Variants in SV2B observed in about 807,000 individuals in gnomAD.
SV2B encodes solute carrier family 22 member B2.
Under a neutral mutation model 73.9 loss-of-function variants are expected in SV2B, and 41 were observed. The observed-to-expected ratio is 0.56, with a 90% CI of 0.43 to 0.72. SV2B has a LOEUF of 0.72. Ranked by LOEUF, SV2B falls within the 30% of genes least tolerant of loss-of-function variation. The probability of loss-of-function intolerance (pLI) is 0.00; values close to 1 mark genes in which losing one functional copy is unlikely to be tolerated. For synonymous variants in SV2B, 314 were observed against 314.2 expected (o/e 1.00, Z 0.01); for missense variants, 764 against 857.8 (o/e 0.89, Z 1.37).
intron 1 of SV2B, among the ~76,000 whole-genome samples, chr15:91,102,613 T>G (rs745868482): frequency 4.6e-5 from 7 of 151,242 alleles, no homozygotes; most frequent in Non-Finnish European, 8.8e-5. Context: ...AATGAGAGAG[T>G]GTGTGTATGT....
At chr15:91,144,565 T>C (rs1253869780) in intron 1 of SV2B, among the ~76,000 whole-genome samples, 1 of 152,232 alleles carries the variant, frequency 6.6e-6, no homozygotes, top group Non-Finnish European at 1.5e-5. Flanking sequence ...GTGTGCATCT[T>C]TTCTAGTGGT....
Position 91,139,853 on chromosome 15 carries a change from A to G in SV2B, c.-392+39490A>G, listed in dbSNP as rs1004652019. On this transcript the variant is annotated intron_variant, in intron 1 of 12. Coordinates refer to ENST00000394232, the MANE Select transcript of SV2B (RefSeq NM_001323032.3). The surrounding 1 kb of genome is among the most constrained non-coding windows in gnomAD (Gnocchi z 5.2). ...AAACTAAGATTGTCCTGGAGAAACC[A>G]AGCTATATGGTCCCTCTGGTAGCCA... 5.9e-5 allele frequency among the ~76,000 whole-genome samples: 9 copies of G among 152,236 alleles called. No individual in the cohort carries two copies. The highest frequency in any genetic ancestry group is 2.2e-4 in the African/African-American group (9 of 41,466).
intron 11 of SV2B, among the ~76,000 whole-genome samples, chr15:91,285,137 A>G (rs1465684408): frequency 2.0e-5 from 3 of 152,184 alleles, no homozygotes; most frequent in African/African-American, 7.2e-5. Flanking sequence ...GAGAAGAGAA[A>G]ATTGATCAGG....
chr15:91,193,443 A>G (rs2045120603), intron 1 of SV2B, among the ~76,000 whole-genome samples: 2 of 152,228 alleles, frequency 1.3e-5, no homozygotes, highest in Admixed American at 6.5e-5. Flanking sequence ...AATCAGAGCC[A>G]GGGAACCCCC....
rs1482955426 is a variant in SV2B at position 91,123,081 on chromosome 15, G to A, written c.-392+22718G>A. Among the ~76,000 whole-genome samples, 2 of 152,098 alleles carry A rather than the reference G, an allele frequency of 1.3e-5. No homozygotes were observed. The highest frequency in any genetic ancestry group is 2.1e-4 in the South Asian group (1 of 4,818). On this transcript the variant is annotated intron_variant, in intron 1 of 12. Coordinates refer to ENST00000394232, the MANE Select transcript of SV2B (RefSeq NM_001323032.3). This position sits in a 1 kb window ranked among gnomAD's most constrained non-coding sequence, Gnocchi z 4.7. ...AGCTCAGGAGTTTGAGACCAGCCTG[G>A]CCAACATGGCAAAACCCTGTTTCTA...
chr15:91,277,586 A>G (rs1157929416), intron 9 of SV2B, among the ~76,000 whole-genome samples: 4 of 152,206 alleles, frequency 2.6e-5, no homozygotes, highest in Admixed American at 6.5e-5. Flanking sequence ...TGCTTCTTTT[A>G]CTTAGCATAA....
chr15:91,158,635 T>TTTTCCCTTCCCTTCC (rs1567300335), intron 1 of SV2B, among the ~76,000 whole-genome samples: 38 of 39,888 alleles, frequency 9.5e-4, no homozygotes, highest in Admixed American at 1.4e-3. Context: ...TTATTTTCCC[T>TTTTCCCTTCCCTTCC]CTTCTCTTCT....
At chr15:91,159,859 G>A (rs2043647812) in intron 1 of SV2B, among the ~76,000 whole-genome samples, 1 of 151,992 alleles carries the variant, frequency 6.6e-6, no homozygotes, top group Admixed American at 6.6e-5. Flanking sequence ...GTGTCTAAGT[G>A]AAAAATTATT....
In SV2B at chr15:91,129,283, A is replaced by G. The variant is rs11854402; in HGVS notation, c.-392+28920A>G. Among the ~76,000 whole-genome samples, 5,254 of 152,322 alleles carry G rather than the reference A, an allele frequency of 0.034. 290 individuals carry two copies. The highest frequency in any genetic ancestry group is 0.12 in the African/African-American group (4,880 of 41,550). ...AGTCAAGTGGGTTGAATACATGTGC[A>G]TTTGCATGTATTTGCATTTCATAAA... On this transcript the variant is annotated intron_variant, in intron 1 of 12. Transcript: ENST00000394232. The surrounding 1 kb of genome is among the most constrained non-coding windows in gnomAD (Gnocchi z 5.1).
chr15:91,211,507 CT>C (rs1338583137), intron 1 of SV2B, among the ~76,000 whole-genome samples: 626 of 139,912 alleles, frequency 4.5e-3, no homozygotes, highest in Middle Eastern at 0.011. Flanking sequence ...CTTCTTCTTC[CT>C]TTTTTTTTTT....
At chr15:91,170,830 T>C (rs1274084551) in intron 1 of SV2B, among the ~76,000 whole-genome samples, 1 of 151,542 alleles carries the variant, frequency 6.6e-6, no homozygotes, top group Non-Finnish European at 1.5e-5. Context: ...TTAAAATCAA[T>C]AAGAGTTGAT....
At position 91,121,632 on chromosome 15, in the gene SV2B, C is replaced by T. The variant is rs1251071735; in HGVS notation, c.-392+21269C>T. ...CTGGAAGGGAAGAAAGCAGAGTTGG[C>T]TTAGAGATGAATGCAAATAAGATCT... On this transcript the variant is annotated intron_variant, in intron 1 of 12. Transcript: ENST00000394232. This position sits in a 1 kb window ranked among gnomAD's most constrained non-coding sequence, Gnocchi z 4.4. Among the ~76,000 whole-genome samples, 1 of 152,114 alleles carries T rather than the reference C, an allele frequency of 6.6e-6. No homozygotes were observed. The highest frequency in any genetic ancestry group is 2.4e-5 in the African/African-American group (1 of 41,402).
At position 91,289,706 on chromosome 15, in the gene SV2B, A is replaced by G. The variant is rs1367199530; in HGVS notation, c.1868+26A>G. 1.9e-6 allele frequency: 3 copies of G among 1,605,192 alleles called. No homozygotes were observed. The highest frequency in any genetic ancestry group is 2.6e-6 in the Non-Finnish European group (3 of 1,175,512). On this transcript the variant is annotated intron_variant, in intron 12 of 12. Transcript: ENST00000394232. This position sits in a 1 kb window ranked among gnomAD's most constrained non-coding sequence, Gnocchi z 4.9. ...GTCAGTTCTTCCCCAGGCTTTCCTC[A>G]GGGACTTGTTTGGGCTTCTTTGGCC...
At position 91,297,081 on chromosome 15, in the gene SV2B, C is replaced by G. The variant is rs536286707; in HGVS notation, c.*4529C>G. The G allele has an allele frequency of 6.5e-6, 1 of 154,376 alleles. No individual in the cohort carries two copies. The highest frequency in any genetic ancestry group is 6.6e-5 in the Admixed American group (1 of 15,102). The allele number at this position is 154,376 out of a possible 1,614,324, so 9.6% of individuals were successfully genotyped here. ...TCCTTCTGCCTGATCGTTGGGCGCA[C>G]GCTCCTTCTGCCTGATCGTTGGGAG... is the stretch of plus-strand genomic sequence containing the variant. On this transcript the variant is annotated 3_prime_UTR_variant, in exon 13 of 13. Coordinates refer to ENST00000394232, the MANE Select transcript of SV2B (RefSeq NM_001323032.3). The surrounding 1 kb of genome is among the most constrained non-coding windows in gnomAD (Gnocchi z 5.1).
At position 91,281,487 on chromosome 15, in the gene SV2B, C is replaced by T. The variant is rs1413437277; in HGVS notation, c.1374-241C>T. Among the ~76,000 whole-genome samples the T allele has an allele frequency of 6.6e-6, 1 of 152,152 alleles. No individual in the cohort carries two copies. The highest frequency in any genetic ancestry group is 2.4e-5 in the African/African-American group (1 of 41,428). ...GGTCCGTGGACCTGCCTTTGAAAACCAGCAGGTTGGTGCATAGCACTCCGT... is the reference window on the plus strand; with the variant it reads ...GGTCCGTGGACCTGCCTTTGAAAACTAGCAGGTTGGTGCATAGCACTCCGT... On this transcript the variant is annotated intron_variant, in intron 9 of 12. Coordinates refer to ENST00000394232, the MANE Select transcript of SV2B (RefSeq NM_001323032.3). The surrounding 1 kb of genome is among the most constrained non-coding windows in gnomAD (Gnocchi z 4.7).
At chr15:91,291,328 C>A (rs1223896641) in intron 12 of SV2B, among the ~76,000 whole-genome samples, 3 of 151,322 alleles carry the variant, frequency 2.0e-5, no homozygotes, top group African/African-American at 7.3e-5. Flanking sequence ...CTAAGACAAA[C>A]AAAAAAGACT....
intron 1 of SV2B, among the ~76,000 whole-genome samples, chr15:91,101,311 T>C (rs796714563): frequency 1.4e-4 from 21 of 152,128 alleles, no homozygotes; most frequent in African/African-American, 4.3e-4. Context: ...TCTATGCTGG[T>C]CTCCTCTGTG....
chr15:91,149,174 C>G (rs776050339), intron 1 of SV2B, among the ~76,000 whole-genome samples: 1 of 152,214 alleles, frequency 6.6e-6, no homozygotes, highest in African/African-American at 2.4e-5. Flanking sequence ...ATTGAAATCC[C>G]TGTTACTCTG....
chr15:91,134,680 T>C (rs2042763981), intron 1 of SV2B, among the ~76,000 whole-genome samples: 1 of 152,212 alleles, frequency 6.6e-6, no homozygotes, highest in African/African-American at 2.4e-5. Flanking sequence ...ACATCTACTT[T>C]TCATGGTCCT....
Sources: allele counts gnomAD v4.1 joint callset (sites outside exome capture counted in the v4.1 genomes callset), GRCh38; gene constraint gnomAD v4.1.1; non-coding constraint Gnocchi (gnomAD v3.1); transcripts MANE v1.5; gene names NCBI Gene and HGNC (gene_info 2026-07-23, HGNC 2026-07-21).